DIAPH3: variants seen among roughly 807,000 people sequenced by gnomAD.
The protein encoded by DIAPH3 is protein diaphanous homolog 3.
DIAPH3 carries 117 observed loss-of-function variants against 144.3 expected under a neutral mutation model. The observed-to-expected ratio is 0.81, with a 90% CI of 0.70 to 0.95. The LOEUF is 0.95. Among genes scored for constraint, DIAPH3 ranks in the 40% least tolerant of loss-of-function variants. The pLI is 0.00. For synonymous variants in DIAPH3, 519 were observed against 488.9 expected, an observed-to-expected ratio of 1.06 and a Z score of -0.81; for missense variants, 1,421 against 1,412.7, an observed-to-expected ratio of 1.01 and a Z score of -0.09.
intron 9 of DIAPH3, among the ~76,000 whole-genome samples, chr13:60,007,059 T>A (rs1011723316): frequency 1.3e-5 from 2 of 152,154 alleles, no homozygotes; most frequent in Non-Finnish European, 2.9e-5. Context: ...TTCTCATTTT[T>A]TTTTTTTCTT....
chr13:59,921,264 C>A (rs1303170889), intron 18 of DIAPH3, among the ~76,000 whole-genome samples: 3 of 134,684 alleles, frequency 2.2e-5, no homozygotes, highest in South Asian at 2.3e-4. Flanking sequence ...AAATGGAGAC[C>A]AGAAAATACC....
At chr13:60,087,104 T>C (rs2057772708) in intron 4 of DIAPH3, among the ~76,000 whole-genome samples, 3 of 152,224 alleles carry the variant, frequency 2.0e-5, no homozygotes, top group Non-Finnish European at 2.9e-5. Flanking sequence ...TTATATTGTT[T>C]AGGGAATAAC....
At chr13:59,872,155 G>A (rs947010450) in intron 21 of DIAPH3, among the ~76,000 whole-genome samples, 4 of 151,934 alleles carry the variant, frequency 2.6e-5, no homozygotes, top group African/African-American at 9.7e-5. Flanking sequence ...TGTTTCCTAA[G>A]GTTAAAGATT....
intron 20 of DIAPH3, among the ~76,000 whole-genome samples, chr13:59,888,852 T>C (rs566245266): frequency 9.2e-5 from 14 of 152,002 alleles, no homozygotes; most frequent in African/African-American, 3.1e-4. Flanking sequence ...ATCCATTAGA[T>C]AGAGAATTCT....
chr13:59,941,197 C>T (rs1194762377), intron 17 of DIAPH3, among the ~76,000 whole-genome samples: 2 of 152,068 alleles, frequency 1.3e-5, no homozygotes, highest in South Asian at 2.1e-4. Flanking sequence ...AATGCAGTCA[C>T]AAAACATTCC....
intron 4 of DIAPH3, among the ~76,000 whole-genome samples, chr13:60,085,534 G>A (rs576956988): frequency 1.3e-5 from 2 of 152,170 alleles, no homozygotes; most frequent in African/African-American, 2.4e-5. Flanking sequence ...CTGTTTTATG[G>A]AAGTGTTAAG....
intron 5 of DIAPH3, among the ~76,000 whole-genome samples, chr13:60,026,689 C>CCAAG (rs1439395074): frequency 5.3e-5 from 8 of 152,098 alleles, no homozygotes; most frequent in Non-Finnish European, 7.4e-5. Flanking sequence ...AACCAACCAA[C>CCAAG]GGTATTAGAC....
chr13:60,117,229 T>G (rs1483152598), intron 2 of DIAPH3, among the ~76,000 whole-genome samples: 1 of 151,978 alleles, frequency 6.6e-6, no homozygotes, highest in Non-Finnish European at 1.5e-5. Context: ...AAAAATAAAT[T>G]TGTACATTAC....
chr13:59,879,488 C>T lies in DIAPH3; in HGVS notation c.2368-20G>A. On this transcript the variant is annotated intron_variant, in intron 20 of 27. Transcript: ENST00000400324. ...GCTCATCTGATTGAAAAGAAAACAG[C>T]AGATTTCCTTTAAAATGCATGGTAT... 1 of 1,613,166 alleles carries T rather than the reference C, an allele frequency of 6.2e-7. No homozygotes were observed. The highest frequency in any genetic ancestry group is 2.2e-5 in the East Asian group (1 of 44,840).
chr13:59,876,869 T>C (rs186880069), intron 21 of DIAPH3, among the ~76,000 whole-genome samples: 2 of 152,254 alleles, frequency 1.3e-5, no homozygotes, highest in East Asian at 3.9e-4. Context: ...CACCCTGTTT[T>C]TCTTACTTTG....
At position 60,013,089 on chromosome 13, in the gene DIAPH3, G is replaced by A. The variant is rs901590697; in HGVS notation, c.772-2420C>T. ...AGTGCATTTAATGAGGGCTGTTTTA[G>A]GTTAGAGAGGCATGACAAATTTTGA... On this transcript the variant is annotated intron_variant, in intron 7 of 27. Coordinates refer to ENST00000400324, the MANE Select transcript of DIAPH3 (RefSeq NM_001042517.2). The A allele has an allele frequency of 4.1e-6, 4 of 985,224 alleles. No individual in the cohort carries two copies. The African/African-American group carries it at 7.0e-5, about 17-fold the overall frequency. 61.0% of individuals were successfully genotyped at this position (985,224 alleles called of 1,614,324 possible). A position where few individuals can be genotyped will look rare whatever the true frequency, so the allele number is the denominator to read the frequency against.
chr13:59,891,213 T>C (rs553807903), intron 20 of DIAPH3, among the ~76,000 whole-genome samples: 1 of 152,228 alleles, frequency 6.6e-6, no homozygotes, highest in South Asian at 2.1e-4. Flanking sequence ...CAATGTTGTT[T>C]GCAAAGTGAT....
intron 20 of DIAPH3, among the ~76,000 whole-genome samples, chr13:59,899,232 C>T (rs532748017): frequency 3.9e-5 from 6 of 152,132 alleles, no homozygotes; most frequent in Non-Finnish European, 7.3e-5. Context: ...GGGACCTCAC[C>T]TTGTGATCCT....
intron 22 of DIAPH3, among the ~76,000 whole-genome samples, chr13:59,857,420 A>T (rs770381844): frequency 8.5e-5 from 13 of 152,184 alleles, no homozygotes; most frequent in Non-Finnish European, 1.9e-4. Context: ...AGCTAAAAAC[A>T]TATAAACAGA....
At chr13:59,779,195 G>C (rs1314271913) in intron 25 of DIAPH3, among the ~76,000 whole-genome samples, 1 of 152,284 alleles carries the variant, frequency 6.6e-6, no homozygotes, top group Non-Finnish European at 1.5e-5. Flanking sequence ...TGCATAATGG[G>C]AAGAATACAA....
Position 59,991,229 on chromosome 13 carries a change from T to G in DIAPH3, c.1290A>C (p.Glu430Asp). Residue 430 changes from glutamate (E) to aspartate (D), a missense_variant, in exon 12 of 28, where the codon GAA (glutamate) becomes GAC (aspartate). By Grantham distance (45) the Glu-to-Asp change is conservative. Transcript: ENST00000400324. ...AAATAAAATATCCCTCTGCTCTAGT[T>G]TCTTTAACTGTGCTCCACACCATGT... ...VYNMVWSTVK[E>D]TRAEGYFISI... 6.2e-7 allele frequency: 1 copy of G among 1,611,530 alleles called. No individual in the cohort carries two copies. The highest frequency in any genetic ancestry group is 8.5e-7 in the Non-Finnish European group (1 of 1,178,640).
intron 1 of DIAPH3, among the ~76,000 whole-genome samples, chr13:60,142,385 A>C (rs1452628918): frequency 1.3e-5 from 2 of 152,188 alleles, no homozygotes; most frequent in Non-Finnish European, 2.9e-5. Context: ...CAATTTTTGG[A>C]AAAACTCAGT....
chr13:60,103,946 C>T (rs940904811), intron 3 of DIAPH3, among the ~76,000 whole-genome samples: 2 of 151,996 alleles, frequency 1.3e-5, no homozygotes, highest in African/African-American at 4.8e-5. Flanking sequence ...TTTTTACTAC[C>T]ATGAATGGCT....
intron 22 of DIAPH3, among the ~76,000 whole-genome samples, chr13:59,859,634 T>C (rs1039694780): frequency 6.6e-6 from 1 of 152,132 alleles, no homozygotes; most frequent in African/African-American, 2.4e-5. Flanking sequence ...CCGTTATCTA[T>C]CAAACTGATT....
Sources: allele counts gnomAD v4.1 joint callset (sites outside exome capture counted in the v4.1 genomes callset), GRCh38; gene constraint gnomAD v4.1.1; transcripts MANE v1.5; gene names NCBI Gene and HGNC (gene_info 2026-07-23, HGNC 2026-07-21).